PEX5L: variants seen among roughly 807,000 people sequenced by gnomAD.
PEX5L encodes the protein peroxisomal biogenesis factor 5 like.
In PEX5L, 30 loss-of-function variants were observed where a neutral mutation model predicts 84.0. The observed-to-expected ratio is 0.36, with a 90% CI of 0.27 to 0.48. The LOEUF is 0.48. Ranked by LOEUF, PEX5L falls within the 20% of genes least tolerant of loss-of-function variation. PEX5L has a pLI of 0.99. For missense variants in PEX5L, 533 were observed against 754.6 expected, an observed-to-expected ratio of 0.71 and a Z score of 3.44; for synonymous variants, 270 against 283.1, an observed-to-expected ratio of 0.95 and a Z score of 0.46.
chr3:179,851,735 G>C (rs1178231642), intron 8 of PEX5L, among the ~76,000 whole-genome samples: 1 of 152,182 alleles, frequency 6.6e-6, no homozygotes, highest in African/African-American at 2.4e-5. Context: ...TAGGAGCTTT[G>C]CAGAAGAAAA....
At chr3:180,026,546 C>G (rs895992395) in intron 1 of PEX5L, among the ~76,000 whole-genome samples, 1 of 152,146 alleles carries the variant, frequency 6.6e-6, no homozygotes, top group Non-Finnish European at 1.5e-5. Context: ...TTACTAAACT[C>G]TTTATATGGC....
rs1751650583 is a variant in PEX5L at position 179,874,729 on chromosome 3, T to TTTTTTTTTTTTTTTTA, written c.630-307_630-306insTAAAAAAAAAAAAAAA. On this transcript the variant is annotated intron_variant, in intron 6 of 14. Transcript: ENST00000467460. ...TCTGTTTCATAAAAAAATTATGGTT[T>TTTTTTTTTTTTTTTTA]TTTTTTTTGTTTTTTTTTTTTTTTT... Among the ~76,000 whole-genome samples, 2 of 60,214 alleles carry TTTTTTTTTTTTTTTTA rather than the reference T, an allele frequency of 3.3e-5. 1 individual carries two copies. Among genetic ancestry groups the TTTTTTTTTTTTTTTTA allele is most frequent in the Non-Finnish European group, 6.6e-5 (2 of 30,178 alleles). The allele number at this position is 60,214 out of a possible 152,430, so 39.5% of individuals were successfully genotyped here. A position where few individuals can be genotyped will look rare whatever the true frequency, so the allele number is the denominator to read the frequency against.
chr3:179,931,999 G>C (rs1773244936), intron 2 of PEX5L, among the ~76,000 whole-genome samples: 2 of 152,038 alleles, frequency 1.3e-5, no homozygotes, highest in South Asian at 4.2e-4. Context: ...TTAGAAATGT[G>C]CAAATATTTC....
chr3:179,973,741 T>C, intron 1 of PEX5L: 1 of 985,314 alleles, frequency 1.0e-6, no homozygotes, highest in Non-Finnish European at 1.2e-6. Context: ...CCTTATCTAA[T>C]TTAGTAGTAA....
chr3:179,817,207 T>A (rs1726491886), intron 9 of PEX5L, among the ~76,000 whole-genome samples: 1 of 152,070 alleles, frequency 6.6e-6, no homozygotes, highest in African/African-American at 2.4e-5. Flanking sequence ...AGTTAAAGAT[T>A]TTTTTTTAAT....
intron 2 of PEX5L, among the ~76,000 whole-genome samples, chr3:179,956,120 T>C (rs1780490033): frequency 2.0e-5 from 3 of 152,142 alleles, no homozygotes; most frequent in Admixed American, 6.6e-5. Flanking sequence ...GAGATAGAAG[T>C]AGGGAAACTA....
At chr3:179,847,394 C>T (rs1739943068) in intron 8 of PEX5L, among the ~76,000 whole-genome samples, 1 of 152,010 alleles carries the variant, frequency 6.6e-6, no homozygotes, top group Admixed American at 6.6e-5. Context: ...GATGACTGAT[C>T]ACCTGGGAAG....
At position 179,840,536 on chromosome 3, in the gene PEX5L, C is replaced by T. The variant is rs577143031; in HGVS notation, c.822+18526G>A. On this transcript the variant is annotated intron_variant, in intron 8 of 14. Transcript: ENST00000467460. Reference sequence around the variant, plus strand: ...AAGTAATAGGATCTGATGTACACTTCGAGAAGAGACTCGGAGTGCTGTGGT... The same window carrying T: ...AAGTAATAGGATCTGATGTACACTTTGAGAAGAGACTCGGAGTGCTGTGGT... 4.6e-5 allele frequency among the ~76,000 whole-genome samples: 7 copies of T among 152,046 alleles called. No individual in the cohort carries two copies. In the South Asian group the frequency reaches 1.2e-3, roughly 27 times the overall value.
rs368352794 is a variant in PEX5L, at chr3:179,808,232, A to G, written c.1518+40T>C. The G allele has an allele frequency of 1.6e-5, 24 of 1,490,606 alleles. No individual in the cohort carries two copies. In the African/African-American group the frequency reaches 2.7e-4, roughly 17 times the overall value. 92.3% of individuals were successfully genotyped at this position (1,490,606 alleles called of 1,614,324 possible). On this transcript the variant is annotated intron_variant, in intron 13 of 14. Transcript: ENST00000467460. ...TAGCCTGTGAAAACTTATTTGTTAC[A>G]GAGAACGCTGTGGTTTCTTGCTGTG...
At chr3:179,831,085 AGGC>A (rs1355874763) in intron 8 of PEX5L, among the ~76,000 whole-genome samples, 10 of 152,186 alleles carry the variant, frequency 6.6e-5, no homozygotes, top group African/African-American at 2.4e-4. Flanking sequence ...TGGGAGACTG[AGGC>A]AGGTGGATAA....
intron 2 of PEX5L, among the ~76,000 whole-genome samples, chr3:179,922,526 G>A (rs1474059543): frequency 3.4e-5 from 5 of 146,956 alleles, no homozygotes; most frequent in African/African-American, 1.0e-4. Context: ...TCGGCTCACC[G>A]CAACCTCTGC....
chr3:179,875,505 G>A, intron 5 of PEX5L, 28 bp from the exon 6 acceptor site: 1 of 1,607,082 alleles, frequency 6.2e-7, no homozygotes, highest in Non-Finnish European at 8.5e-7. Context: ...AGCAGGTGAG[G>A]CAGGTGGCGG....
Position 179,809,602 on chromosome 3 carries a change from A to C in PEX5L, c.1221T>G (p.Thr407=). Residue 407 remains threonine (T), a synonymous_variant, in exon 12 of 15, where the codon ACT becomes ACG. Transcript: ENST00000467460. ...LMALAVSYTN[T]GHQQDACDAL... ...CGTCACAGGCATCCTGCTGATGGCC[A>C]GTGTTAGTATAACTCACAGCCAAGG... 1 of 1,613,646 alleles carries C rather than the reference A, an allele frequency of 6.2e-7. No homozygotes were observed. Among genetic ancestry groups the C allele is most frequent in the Non-Finnish European group, 8.5e-7 (1 of 1,179,722 alleles).
intron 1 of PEX5L, among the ~76,000 whole-genome samples, chr3:179,980,095 A>G (rs1786180726): frequency 6.6e-6 from 1 of 152,200 alleles, no homozygotes; most frequent in African/African-American, 2.4e-5. Context: ...CTCGATGTTT[A>G]TACCTTCTCT....
intron 1 of PEX5L, 152 bp from the exon 2 acceptor site, chr3:179,971,817 GT>G: frequency 2.7e-6 from 2 of 748,104 alleles, no homozygotes; most frequent in South Asian, 2.9e-5. Context: ...AACAGCAAAT[GT>G]TTTTATTGTT....
At chr3:179,882,677 A>G (rs1374726596) in intron 4 of PEX5L, among the ~76,000 whole-genome samples, 1 of 152,220 alleles carries the variant, frequency 6.6e-6, no homozygotes, top group African/African-American at 2.4e-5. Flanking sequence ...ATTGCTCCAC[A>G]CAAAGACAGC....
At chr3:179,927,243 G>A (rs976875330) in intron 2 of PEX5L, among the ~76,000 whole-genome samples, 1 of 152,120 alleles carries the variant, frequency 6.6e-6, no homozygotes, top group Non-Finnish European at 1.5e-5. Context: ...AGAGGCACAT[G>A]GTACAATGGA....
chr3:179,890,250 C>A (rs1413430528), intron 3 of PEX5L, among the ~76,000 whole-genome samples: 1 of 152,136 alleles, frequency 6.6e-6, no homozygotes, highest in Non-Finnish European at 1.5e-5. Context: ...GATCTGAATT[C>A]CACTGTGTTA....
chr3:179,853,335 CACAAT>C (rs1049601771), intron 8 of PEX5L, among the ~76,000 whole-genome samples: 1 of 152,232 alleles, frequency 6.6e-6, no homozygotes. Flanking sequence ...ACTAGCTAAA[CACAAT>C]ACCAGATGCT....
Sources: gnomAD v4.1 joint callset for allele counts (sites outside exome capture counted in the v4.1 genomes callset) on GRCh38, gnomAD v4.1.1 for gene constraint, MANE v1.5 for transcripts, NCBI Gene and HGNC (gene_info 2026-07-23, HGNC 2026-07-21) for gene names.